The following RSPO2 variants were observed in gnomAD, a reference collection of about 807,000 sequenced individuals.
RSPO2 encodes R-spondin-2.
A neutral mutation model predicts 30.9 loss-of-function variants in RSPO2; 14 were observed. The observed-to-expected ratio is 0.45, with a 90% CI of 0.30 to 0.71. RSPO2 has a LOEUF of 0.71. Among genes scored for constraint, RSPO2 ranks in the 30% least tolerant of loss-of-function variants. The pLI, the probability that RSPO2 is intolerant of heterozygous loss-of-function variation, is 0.08. For synonymous variants in RSPO2, 107 were observed against 96.4 expected (o/e 1.11, Z -0.64); for missense variants, 264 against 301.9 (o/e 0.87, Z 0.93).
intron 2 of RSPO2, among the ~76,000 whole-genome samples, chr8:108,058,163 G>C (rs901719119): frequency 9.9e-5 from 15 of 152,018 alleles, no homozygotes; most frequent in Non-Finnish European, 2.1e-4. Context: ...CTAATATATT[G>C]AGAGCTTTTA....
chr8:107,991,350 T>G (rs138691114), intron 2 of RSPO2, among the ~76,000 whole-genome samples: 1 of 151,978 alleles, frequency 6.6e-6, no homozygotes, highest in Non-Finnish European at 1.5e-5. Flanking sequence ...GCTAGCTATA[T>G]GCAAAAGATT....
chr8:108,062,712 C>T (rs186556764), intron 2 of RSPO2, among the ~76,000 whole-genome samples: 1 of 151,932 alleles, frequency 6.6e-6, no homozygotes, highest in South Asian at 2.1e-4. Flanking sequence ...ATATCAAAGT[C>T]TGGCAGAGAC....
intron 5 of RSPO2, among the ~76,000 whole-genome samples, chr8:107,956,529 G>A (rs888741082): frequency 1.3e-5 from 2 of 152,184 alleles, no homozygotes; most frequent in Non-Finnish European, 2.9e-5. Flanking sequence ...AAATATTATG[G>A]TTAACAATCT....
At chr8:108,067,760 C>T (rs1563589076) in intron 2 of RSPO2, among the ~76,000 whole-genome samples, 1 of 152,176 alleles carries the variant, frequency 6.6e-6, no homozygotes, top group Non-Finnish European at 1.5e-5. Flanking sequence ...ATAAAGAGCA[C>T]TAGCAGCTCT....
intron 3 of RSPO2, among the ~76,000 whole-genome samples, chr8:107,975,895 C>A (rs993652584): frequency 1.3e-5 from 2 of 152,176 alleles, no homozygotes; most frequent in Non-Finnish European, 2.9e-5. Context: ...AGAGATTTGG[C>A]ATGTAATAGT....
chr8:108,033,390 C>A (rs1017818761), intron 2 of RSPO2, among the ~76,000 whole-genome samples: 7 of 152,208 alleles, frequency 4.6e-5, no homozygotes, highest in Non-Finnish European at 8.8e-5. Context: ...GTAAGAATAT[C>A]TAGCTGGCCT....
chr8:108,008,573 T>C (rs990082883), intron 2 of RSPO2, among the ~76,000 whole-genome samples: 1 of 152,172 alleles, frequency 6.6e-6, no homozygotes, highest in African/African-American at 2.4e-5. Flanking sequence ...TTATTAATCA[T>C]GAAATGGCAT....
intron 2 of RSPO2, among the ~76,000 whole-genome samples, chr8:107,993,828 A>G (rs1021396486): frequency 6.6e-6 from 1 of 152,118 alleles, no homozygotes; most frequent in East Asian, 1.9e-4. Context: ...TCATAGTTAC[A>G]TGAAGTCAAT....
At position 107,900,818 on chromosome 8, in the gene RSPO2, CG is replaced by C. The variant is rs531747625; in HGVS notation, c.*256del. 1,129 of 355,470 alleles carry C rather than the reference CG, an allele frequency of 3.2e-3. 15 individuals carry two copies. Among genetic ancestry groups the C allele is most frequent in the Non-Finnish European group, 1.5e-3 (303 of 197,000 alleles). 22.0% of individuals were successfully genotyped at this position (355,470 alleles called of 1,614,324 possible). A position where few individuals can be genotyped will look rare whatever the true frequency, so the allele number is the denominator to read the frequency against. ...CACACCTCTAGCATGTCCATGGTGC[CG>C]GGGACGGATTCTCTCAGCACACACT... On this transcript the variant is annotated 3_prime_UTR_variant, in exon 6 of 6. Coordinates refer to ENST00000276659, the MANE Select transcript of RSPO2 (RefSeq NM_178565.5).
At chr8:107,904,519 C>G (rs184912064) in intron 5 of RSPO2, among the ~76,000 whole-genome samples, 88 of 152,096 alleles carry the variant, frequency 5.8e-4, no homozygotes, top group Admixed American at 1.8e-3. Flanking sequence ...CAGGTAGAAT[C>G]AGGTCTACAG....
At chr8:107,998,641 C>T (rs1471538509) in intron 2 of RSPO2, among the ~76,000 whole-genome samples, 3 of 151,840 alleles carry the variant, frequency 2.0e-5, no homozygotes, top group African/African-American at 7.3e-5. Flanking sequence ...TTCTAAATTT[C>T]CTTTAATATT....
At chr8:107,966,981 T>A (rs948856306) in intron 3 of RSPO2, among the ~76,000 whole-genome samples, 2 of 152,180 alleles carry the variant, frequency 1.3e-5, no homozygotes, top group Non-Finnish European at 2.9e-5. Context: ...TAGCACACCA[T>A]GAAAATCCAA....
At chr8:107,976,043 G>A (rs568281136) in intron 3 of RSPO2, among the ~76,000 whole-genome samples, 2 of 152,196 alleles carry the variant, frequency 1.3e-5, no homozygotes, top group African/African-American at 4.8e-5. Flanking sequence ...CAGCTGGCAG[G>A]AGCCTGTTAA....
chr8:107,949,730 T>C (rs965748970), intron 5 of RSPO2, among the ~76,000 whole-genome samples: 1 of 152,154 alleles, frequency 6.6e-6, no homozygotes, highest in African/African-American at 2.4e-5. Context: ...TTTGGGAAGT[T>C]GAGAGGAGGC....
Position 108,050,014 on chromosome 8 carries a change from G to T in RSPO2, c.94+32531C>A, listed in dbSNP as rs1812028413. On this transcript the variant is annotated intron_variant, in intron 2 of 5. Transcript: ENST00000276659. ...AAACTATTTCCATCCTGTTTCTTTT[G>T]TACCCTAAGCTTGGAATTATAAAAC... Among the ~76,000 whole-genome samples, 3 of 151,878 alleles carry T rather than the reference G, an allele frequency of 2.0e-5. No homozygotes were observed. In the South Asian group the frequency reaches 6.2e-4, roughly 32 times the overall value.
chr8:107,908,408 T>C (rs973283374), intron 5 of RSPO2, among the ~76,000 whole-genome samples: 7 of 152,186 alleles, frequency 4.6e-5, no homozygotes, highest in Admixed American at 1.3e-4. Flanking sequence ...TATCTAAAAT[T>C]ATTTTCATAA....
intron 5 of RSPO2, among the ~76,000 whole-genome samples, chr8:107,937,146 C>T (rs1342626834): frequency 4.5e-5 from 6 of 133,830 alleles, no homozygotes; most frequent in Non-Finnish European, 8.0e-5. Flanking sequence ...TTTAATCCAT[C>T]TTCAGTTGTT....
rs746264904 is a variant in RSPO2, at chr8:107,958,213, G to A, written c.483C>T (p.Arg161=). The A allele has an allele frequency of 2.5e-6, 4 of 1,613,368 alleles. No homozygotes were observed. In the African/African-American group the frequency reaches 4.0e-5, roughly 16 times the overall value. ...CCAGACCCCATTTAAATCCACATGT[G>A]CGATTATTTCTGCTACAAGTTCCCC... The part of the protein sequence containing the change: ...SEWGTCSRNN[R]TCGFKWGLET... Residue 161 remains arginine, a synonymous_variant, in exon 5 of 6, where the codon CGC becomes CGT. Coordinates refer to ENST00000276659, the MANE Select transcript of RSPO2 (RefSeq NM_178565.5).
intron 2 of RSPO2, among the ~76,000 whole-genome samples, chr8:108,066,713 G>A (rs1387420632): frequency 2.0e-5 from 3 of 151,882 alleles, no homozygotes; most frequent in African/African-American, 7.3e-5. Context: ...AGCTGAAAAA[G>A]GAACAGTTTT....
Sources: gnomAD v4.1 joint callset for allele counts (sites outside exome capture counted in the v4.1 genomes callset) on GRCh38, gnomAD v4.1.1 for gene constraint, MANE v1.5 for transcripts, NCBI Gene and HGNC (gene_info 2026-07-23, HGNC 2026-07-21) for gene names.